ERC2: variants seen among roughly 807,000 people sequenced by gnomAD.
The protein encoded by ERC2 is ELKS/RAB6-interacting/CAST family member 2, also known as ERC protein 2.
In ERC2, 42 loss-of-function variants were observed where a neutral mutation model predicts 114.8. That is an observed-to-expected ratio of 0.37 (90% CI 0.29 to 0.47). ERC2 has a LOEUF of 0.47. Ranked by LOEUF, ERC2 falls within the 20% of genes least tolerant of loss-of-function variation. The probability of loss-of-function intolerance (pLI) is 0.99; values close to 1 mark genes in which losing one functional copy is unlikely to be tolerated. For missense variants in ERC2, 939 were observed against 1,150.7 expected, an observed-to-expected ratio of 0.82 and a Z score of 2.66; for synonymous variants, 454 against 425.5, an observed-to-expected ratio of 1.07 and a Z score of -0.82.
chr3:55,901,287 T>G (rs1246523574), intron 13 of ERC2, among the ~76,000 whole-genome samples: 9 of 152,218 alleles, frequency 5.9e-5, no homozygotes, highest in Non-Finnish European at 1.5e-5. Context: ...TAAACTTGGC[T>G]GCTTATAGTT....
intron 17 of ERC2, among the ~76,000 whole-genome samples, chr3:55,603,409 G>T (rs1284826240): frequency 6.6e-6 from 1 of 152,130 alleles, no homozygotes; most frequent in Non-Finnish European, 1.5e-5. Flanking sequence ...GAGGCAGGCG[G>T]ATCACAAGGT....
chr3:56,422,741 C>A lies in ERC2; in HGVS notation c.657+11610G>T, dbSNP rs541890266. On this transcript the variant is annotated intron_variant, in intron 2 of 17. Coordinates refer to ENST00000288221, the MANE Select transcript of ERC2 (RefSeq NM_015576.3). ...GAGCACAATTTTAGAGCTAAGCATA[C>A]CTGAGATCAAATCGCAGCTCTATTG... Among the ~76,000 whole-genome samples the A allele has an allele frequency of 3.3e-5, 5 of 152,270 alleles. No homozygotes were observed. The South Asian group carries it at 8.3e-4, about 25-fold the overall frequency.
chr3:55,808,718 T>TAC (rs2059590026), intron 14 of ERC2, among the ~76,000 whole-genome samples: 1 of 109,040 alleles, frequency 9.2e-6, no homozygotes, highest in African/African-American at 4.1e-5. Context: ...TATATATATA[T>TAC]ATATATATAT....
At chr3:55,681,032 C>T (rs1054513673) in intron 17 of ERC2, among the ~76,000 whole-genome samples, 9 of 151,858 alleles carry the variant, frequency 5.9e-5, no homozygotes, top group South Asian at 2.1e-4. Context: ...ACAGGCCATA[C>T]GCTGATAAAT....
chr3:55,722,058 C>G (rs559631945), intron 15 of ERC2, among the ~76,000 whole-genome samples: 1 of 152,276 alleles, frequency 6.6e-6, no homozygotes, highest in South Asian at 2.1e-4. Context: ...TCACTGTTTT[C>G]TGGGATGACC....
intron 6 of ERC2, among the ~76,000 whole-genome samples, chr3:56,088,539 CG>C (rs2077621901): frequency 6.6e-6 from 1 of 151,780 alleles, no homozygotes. Flanking sequence ...GGAGTAGACA[CG>C]GGGGTTAAAG....
At chr3:55,798,002 T>C (rs531584587) in intron 14 of ERC2, among the ~76,000 whole-genome samples, 2 of 152,056 alleles carry the variant, frequency 1.3e-5, no homozygotes, top group African/African-American at 4.8e-5. Flanking sequence ...AAGATAAAAC[T>C]AGAGAAACTA....
rs35883947 is a variant in ERC2 at position 55,520,433 on chromosome 3, C to CAAAAA, written c.*40-9162_*40-9158dup. Among the ~76,000 whole-genome samples the CAAAAA allele has an allele frequency of 1.0e-4, 11 of 109,484 alleles. 1 individual carries two copies. Among genetic ancestry groups the CAAAAA allele is most frequent in the Middle Eastern group, 0.01 (2 of 196 alleles). The allele number at this position is 109,484 out of a possible 152,430, so 71.8% of individuals were successfully genotyped here. On this transcript the variant is annotated intron_variant, in intron 17 of 17. Coordinates refer to ENST00000288221, the MANE Select transcript of ERC2 (RefSeq NM_015576.3). ...CCTGGGAGACAGTGAGACTCTGTCT[C>CAAAAA]AAAAAAAAAAAAAAAAAAATCTAAG...
At chr3:56,311,819 A>ATGTGTGTGTGTG (rs10536094) in intron 2 of ERC2, among the ~76,000 whole-genome samples, 1 of 142,864 alleles carries the variant, frequency 7.0e-6, no homozygotes, top group Non-Finnish European at 1.5e-5. Context: ...ATACATATAA[A>ATGTGTGTGTGTG]TGTGTGTGTG....
chr3:56,368,879 T>C (rs1330429995), intron 2 of ERC2, among the ~76,000 whole-genome samples: 1 of 152,172 alleles, frequency 6.6e-6, no homozygotes, highest in Non-Finnish European at 1.5e-5. Context: ...CCGGTACTGT[T>C]AGCAATAAAT....
At chr3:55,858,171 A>AT (rs2149256768) in intron 14 of ERC2, among the ~76,000 whole-genome samples, 1 of 152,318 alleles carries the variant, frequency 6.6e-6, no homozygotes, top group Non-Finnish European at 1.5e-5. Context: ...CTACTTAAAG[A>AT]TAAAAACAAG....
intron 7 of ERC2, among the ~76,000 whole-genome samples, chr3:56,047,603 G>A (rs187496052): frequency 6.6e-6 from 1 of 152,264 alleles, no homozygotes; most frequent in East Asian, 1.9e-4. Context: ...GGAGGAAAAT[G>A]GGGAATATTT....
At chr3:56,217,712 G>C (rs2049586902) in intron 3 of ERC2, among the ~76,000 whole-genome samples, 1 of 152,262 alleles carries the variant, frequency 6.6e-6, no homozygotes, top group Non-Finnish European at 1.5e-5. Flanking sequence ...CAAAGCTGGA[G>C]GCATCACGCT....
chr3:55,744,439 A>G (rs1042918609), intron 14 of ERC2, among the ~76,000 whole-genome samples: 1 of 152,134 alleles, frequency 6.6e-6, no homozygotes, highest in African/African-American at 2.4e-5. Context: ...GAAAAAAACA[A>G]AAAGCAAAAC....
At chr3:56,177,340 C>T (rs1438638083) in intron 3 of ERC2, among the ~76,000 whole-genome samples, 5 of 152,158 alleles carry the variant, frequency 3.3e-5, no homozygotes, top group East Asian at 1.9e-4. Context: ...ACCATCTGAG[C>T]GATGCACCCA....
intron 2 of ERC2, among the ~76,000 whole-genome samples, chr3:56,374,389 G>A (rs1486381514): frequency 1.3e-5 from 2 of 152,164 alleles, no homozygotes; most frequent in East Asian, 1.9e-4. Flanking sequence ...GAGCCACAGC[G>A]CCTGGCCCAG....
intron 3 of ERC2, among the ~76,000 whole-genome samples, chr3:56,186,104 T>C (rs1328674497): frequency 1.1e-5 from 1 of 89,670 alleles, no homozygotes; most frequent in African/African-American, 4.4e-5. Flanking sequence ...CATATACATC[T>C]CAAGAACCTT....
chr3:56,173,166 A>G (rs778110574), intron 4 of ERC2, among the ~76,000 whole-genome samples: 2 of 152,242 alleles, frequency 1.3e-5, no homozygotes, highest in Non-Finnish European at 2.9e-5. Flanking sequence ...TAAAACACAC[A>G]TAAAACCTCC....
At chr3:56,156,365 C>G (rs1575614884) in intron 4 of ERC2, among the ~76,000 whole-genome samples, 1 of 152,054 alleles carries the variant, frequency 6.6e-6, no homozygotes, top group Non-Finnish European at 1.5e-5. Flanking sequence ...AAACTGAACC[C>G]CAGTGTTTTA....
Sources: gnomAD v4.1 joint callset for allele counts (sites outside exome capture counted in the v4.1 genomes callset) on GRCh38, gnomAD v4.1.1 for gene constraint, MANE v1.5 for transcripts, NCBI Gene and HGNC (gene_info 2026-07-23, HGNC 2026-07-21) for gene names.